RICTOR: variants seen among roughly 807,000 people sequenced by gnomAD.
RICTOR encodes the protein RPTOR independent companion of MTOR complex 2.
Under a neutral mutation model 214.9 loss-of-function variants are expected in RICTOR, and 49 were observed. The ratio of observed to expected loss-of-function variants is 0.23; its 90% confidence interval spans 0.18 to 0.29. RICTOR has a LOEUF of 0.29. RICTOR is among the 10% of genes least tolerant of loss of function. The pLI is 1.00. For synonymous variants in RICTOR, 717 were observed against 711.3 expected, an observed-to-expected ratio of 1.01 and a Z score of -0.13; for missense variants, 1,625 against 2,047.0, an observed-to-expected ratio of 0.79 and a Z score of 3.98.
At chr5:39,052,814 G>A (rs1041261423) in intron 2 of RICTOR, among the ~76,000 whole-genome samples, 23 of 152,124 alleles carry the variant, frequency 1.5e-4, no homozygotes, top group African/African-American at 5.6e-4. Flanking sequence ...TCTCTTATCA[G>A]TTTCTTCTAG....
At position 38,938,068 on chromosome 5, in the gene RICTOR, T is replaced by C. The variant is rs980450692; in HGVS notation, c.*4236A>G. On this transcript the variant is annotated 3_prime_UTR_variant, in exon 38 of 38. Transcript: ENST00000357387. ...AAAAAATCAAGGTGAGCAAAACCAT[T>C]TGGGGACAAATCTTATTTAAATTAT... 3.4e-5 allele frequency: 7 copies of C among 204,588 alleles called. No homozygotes were observed. Among genetic ancestry groups the C allele is most frequent in the Middle Eastern group, 1.6e-3 (1 of 626 alleles). The allele number at this position is 204,588 out of a possible 1,614,324, so 12.7% of individuals were successfully genotyped here.
At chr5:38,957,751 T>C (rs375520220) in intron 24 of RICTOR, 21 bp from the exon 25 acceptor site, 9 of 1,352,184 alleles carry the variant, frequency 6.7e-6, no homozygotes, top group Non-Finnish European at 9.4e-6. Context: ...AAACAAGCAA[T>C]AGTTTAACAT....
chr5:39,027,458 A>G (rs764230634), intron 2 of RICTOR, among the ~76,000 whole-genome samples: 1 of 152,158 alleles, frequency 6.6e-6, no homozygotes, highest in Admixed American at 6.5e-5. Context: ...CATTGCTTTT[A>G]TAAGTAAAAA....
intron 2 of RICTOR, among the ~76,000 whole-genome samples, chr5:39,067,779 T>C (rs975710369): frequency 1.3e-5 from 2 of 152,222 alleles, no homozygotes; most frequent in African/African-American, 4.8e-5. Flanking sequence ...GACTTCTCCA[T>C]TTTATGGCAC....
At chr5:39,048,614 C>G (rs1209143921) in intron 2 of RICTOR, among the ~76,000 whole-genome samples, 1 of 152,148 alleles carries the variant, frequency 6.6e-6, no homozygotes, top group African/African-American at 2.4e-5. Flanking sequence ...TGGGAAGATT[C>G]TAGATGCTTG....
In RICTOR at chr5:38,990,703, A is replaced by ATATATATCATATATAT. The variant is rs1561502342; in HGVS notation, c.583+245_583+246insATATATATGATATATA. 1.6e-4 allele frequency among the ~76,000 whole-genome samples: 16 copies of ATATATATCATATATAT among 98,322 alleles called. 1 individual carries two copies. The highest frequency in any genetic ancestry group is 6.2e-4 in the African/African-American group (15 of 24,228). The allele number at this position is 98,322 out of a possible 152,430, so 64.5% of individuals were successfully genotyped here. A position where few individuals can be genotyped will look rare whatever the true frequency, so the allele number is the denominator to read the frequency against. ...ATATATCATATATATGATATATATC[A>ATATATATCATATATAT]GATATGATATATATGATATATATCA... On this transcript the variant is annotated intron_variant, in intron 7 of 37. Transcript: ENST00000357387.
Position 38,941,320 on chromosome 5 carries a change from T to A in RICTOR, c.*984A>T, listed in dbSNP as rs3180328. 10 of 207,742 alleles carry A rather than the reference T, an allele frequency of 4.8e-5. No individual in the cohort carries two copies. The highest frequency in any genetic ancestry group is 9.5e-5 in the Non-Finnish European group (10 of 105,504). The allele number at this position is 207,742 out of a possible 1,614,324, so 12.9% of individuals were successfully genotyped here. A position where few individuals can be genotyped will look rare whatever the true frequency, so the allele number is the denominator to read the frequency against. On this transcript the variant is annotated 3_prime_UTR_variant, in exon 38 of 38. Transcript: ENST00000357387. ...CAATTTTTCTCAATAACAAGCTTTA[T>A]TAATGTTTTTTTTAAGGAAATATGG...
chr5:39,028,612 T>C (rs1756036971), intron 2 of RICTOR, among the ~76,000 whole-genome samples: 1 of 152,184 alleles, frequency 6.6e-6, no homozygotes, highest in Admixed American at 6.5e-5. Context: ...CCCACAAATA[T>C]ACTTGTACAA....
chr5:39,018,574 G>A (rs1755146766), intron 3 of RICTOR, among the ~76,000 whole-genome samples: 1 of 152,034 alleles, frequency 6.6e-6, no homozygotes, highest in South Asian at 2.1e-4. Flanking sequence ...ATCTGTTAGG[G>A]TGATCTGTGA....
At chr5:38,966,525 A>T in intron 15 of RICTOR, 116 bp downstream of exon 15, 1 of 659,828 alleles carries the variant, frequency 1.5e-6, no homozygotes, top group Admixed American at 3.1e-5. Context: ...ATAAACATTT[A>T]TAAGAAATGC....
At chr5:38,983,905 C>T (rs1195502576) in intron 7 of RICTOR, among the ~76,000 whole-genome samples, 1 of 152,162 alleles carries the variant, frequency 6.6e-6, no homozygotes, top group Non-Finnish European at 1.5e-5. Context: ...GCGGAGGTTG[C>T]AGTGAGCCTG....
chr5:38,992,772 T>C lies in RICTOR; in HGVS notation c.457-1697A>G, dbSNP rs933738919. Among the ~76,000 whole-genome samples the C allele has an allele frequency of 3.3e-5, 5 of 152,160 alleles. No homozygotes were observed. The East Asian group carries it at 9.6e-4, about 29-fold the overall frequency. ...AGAGAATGCTTTCCTCATAAATCAATGAATGCTCAGTAAGGGAGAAGCCAT... is the reference window on the plus strand; with the variant it reads ...AGAGAATGCTTTCCTCATAAATCAACGAATGCTCAGTAAGGGAGAAGCCAT... On this transcript the variant is annotated intron_variant, in intron 6 of 37. Coordinates refer to ENST00000357387, the MANE Select transcript of RICTOR (RefSeq NM_152756.5).
intron 2 of RICTOR, among the ~76,000 whole-genome samples, chr5:39,053,606 A>G (rs935815931): frequency 6.6e-6 from 1 of 152,196 alleles, no homozygotes; most frequent in Non-Finnish European, 1.5e-5. Flanking sequence ...GAAAGCAAGA[A>G]TAAGGGTCGG....
chr5:38,954,959 T>C (rs1645491446), intron 26 of RICTOR, 98 bp from the exon 27 acceptor site: 1 of 581,644 alleles, frequency 1.7e-6, no homozygotes, highest in Non-Finnish European at 3.0e-6. Flanking sequence ...TAAAATTAGA[T>C]ACAACTCTCC....
At chr5:39,016,412 G>A (rs993802123) in intron 3 of RICTOR, among the ~76,000 whole-genome samples, 1 of 151,582 alleles carries the variant, frequency 6.6e-6, no homozygotes, top group African/African-American at 2.4e-5. Context: ...GAAGATGAAG[G>A]GGCGAAAGGA....
intron 34 of RICTOR, 128 bp downstream of exon 34, chr5:38,945,363 A>G (rs987858858): frequency 3.0e-6 from 2 of 658,582 alleles, no homozygotes; most frequent in Non-Finnish European, 2.6e-6. Context: ...ATAATTTGGC[A>G]TATCAGTGTG....
chr5:39,028,126 G>C (rs895212531), intron 2 of RICTOR, among the ~76,000 whole-genome samples: 2 of 142,432 alleles, frequency 1.4e-5, no homozygotes, highest in Non-Finnish European at 3.1e-5. Flanking sequence ...CTAAAATCAA[G>C]AAGAATGACA....
chr5:38,965,084 G>A (rs1750107375), intron 15 of RICTOR, among the ~76,000 whole-genome samples, 192 bp from the exon 16 acceptor site: 1 of 151,670 alleles, frequency 6.6e-6, no homozygotes, highest in South Asian at 2.1e-4. Flanking sequence ...CAACAAGGAT[G>A]GAATATAAAG....
At chr5:38,977,547 G>T (rs1751338519) in intron 9 of RICTOR, among the ~76,000 whole-genome samples, 1 of 150,484 alleles carries the variant, frequency 6.6e-6, no homozygotes, top group South Asian at 2.1e-4. Context: ...ATGTTAGGGT[G>T]AGAATGAGTT....
Sources: allele counts gnomAD v4.1 joint callset (sites outside exome capture counted in the v4.1 genomes callset), GRCh38; gene constraint gnomAD v4.1.1; transcripts MANE v1.5; gene names NCBI Gene and HGNC (gene_info 2026-07-23, HGNC 2026-07-21).